Variants in LRR1 observed in about 807,000 individuals in gnomAD.
LRR1 encodes the protein leucine-rich repeat protein 1.
A neutral mutation model predicts 31.6 loss-of-function variants in LRR1; 29 were observed. The ratio of observed to expected loss-of-function variants is 0.92; its 90% CI spans 0.68 to 1.25. LRR1 has a LOEUF of 1.25. LRR1 is among the 50% of genes most tolerant of loss of function. The pLI is 0.00. For missense variants in LRR1, 485 were observed against 487.2 expected (o/e 1.00, Z 0.04); for synonymous variants, 179 against 181.4 (o/e 0.99, Z 0.10).
Position 49,599,064 on chromosome 14 carries a change from C to T in LRR1, c.44C>T (p.Pro15Leu). 2 of 1,609,696 alleles carry T rather than the reference C, an allele frequency of 1.2e-6. No homozygotes were observed. The highest frequency in any genetic ancestry group is 1.7e-6 in the Non-Finnish European group (2 of 1,178,146). Residue 15 changes from proline (P) to leucine (L), a missense_variant, in exon 1 of 4, where the codon CCC becomes CTC. By Grantham distance (98) the Pro-to-Leu change is moderately conservative (BLOSUM62 -3). Transcript: ENST00000298288. ...GTGGAGGTGATCAGCCGGCACTTGC[C>T]CGCCTTGGGGCTTAGGAACCGGGGC... The part of the protein sequence containing the change: ...CEVEVISRHL[P>L]ALGLRNRGKG...
intron 3 of LRR1, among the ~76,000 whole-genome samples, chr14:49,612,148 C>T (rs890813084): frequency 6.6e-6 from 1 of 152,120 alleles, no homozygotes; most frequent in African/African-American, 2.4e-5. Flanking sequence ...CACAATTTGG[C>T]AGAATAGTAA....
rs1380598577 is a variant in LRR1, at chr14:49,607,865, G to A, written c.748G>A (p.Glu250Lys). ...CCCTGTGCAGTTTTGCCAGCTCCAG[G>A]AACTTAAGAATTTAAAACTTGACGA... ...ALPVQFCQLQ[E>K]LKNLKLDDNE... Residue 250 changes from glutamate to lysine, a missense_variant, in exon 3 of 4, where the codon GAA becomes AAA. By Grantham distance (56) the Glu-to-Lys change is moderately conservative. This residue lies in a region of LRR1 where 210 missense variants were observed against 200.4 expected (regional missense o/e 1.05). Transcript: ENST00000298288. 6.2e-7 allele frequency: 1 copy of A among 1,613,372 alleles called. No homozygotes were observed. The highest frequency in any genetic ancestry group is 1.7e-5 in the Admixed American group (1 of 59,808).
At chr14:49,602,600 C>T (rs981170862) in intron 2 of LRR1, 132 bp downstream of exon 2, 10 of 668,750 alleles carry the variant, frequency 1.5e-5, no homozygotes, top group Non-Finnish European at 2.6e-5. Context: ...AACACCTAGG[C>T]TCAAGCGAGC....
intron 2 of LRR1, among the ~76,000 whole-genome samples, chr14:49,602,858 G>A (rs779475623): frequency 1.3e-5 from 2 of 151,834 alleles, no homozygotes; most frequent in Non-Finnish European, 2.9e-5. Flanking sequence ...GTTTTGAGAC[G>A]GAGTTTTGCT....
intron 1 of LRR1, 67 bp downstream of exon 1, chr14:49,599,270 C>A: frequency 6.7e-7 from 1 of 1,482,060 alleles, no homozygotes; most frequent in Non-Finnish European, 9.0e-7. Context: ...GGGCCACCCT[C>A]GGTCCTCATG....
At chr14:49,613,524 A>G (rs1401802170) in intron 3 of LRR1, among the ~76,000 whole-genome samples, 1 of 149,938 alleles carries the variant, frequency 6.7e-6, no homozygotes, top group African/African-American at 2.5e-5. Context: ...AAAAAAGTTT[A>G]GGCCAGGTGC....
intron 2 of LRR1, among the ~76,000 whole-genome samples, chr14:49,606,362 G>A (rs1382948498): frequency 6.8e-6 from 1 of 147,594 alleles, no homozygotes; most frequent in African/African-American, 2.5e-5. Context: ...TTTTGAGACC[G>A]AGTTTCACTT....
At position 49,607,381 on chromosome 14, in the gene LRR1, A is replaced by G; in HGVS notation, c.283-19A>G. The G allele has an allele frequency of 2.0e-6, 3 of 1,528,002 alleles. No homozygotes were observed. The highest frequency in any genetic ancestry group is 2.6e-6 in the Non-Finnish European group (3 of 1,141,304). The allele number at this position is 1,528,002 out of a possible 1,614,324, so 94.7% of individuals were successfully genotyped here. A position where few individuals can be genotyped will look rare whatever the true frequency, so the allele number is the denominator to read the frequency against. On this transcript the variant is annotated intron_variant, in intron 2 of 3. Transcript: ENST00000298288. Reference sequence around the variant, plus strand: ...TATCTCCAGTGGAATTTATAATTCTACAACTTTTATTTATTCAGGCCATTT... The same window carrying G: ...TATCTCCAGTGGAATTTATAATTCTGCAACTTTTATTTATTCAGGCCATTT...
rs560371802 is a variant in LRR1, at chr14:49,602,535, C to T, written c.282+67C>T. The T allele has an allele frequency of 4.7e-5, 62 of 1,330,790 alleles. 1 individual carries two copies. Among genetic ancestry groups the T allele is most frequent in the Non-Finnish European group, 6.1e-5 (57 of 934,282 alleles). 82.4% of individuals were successfully genotyped at this position (1,330,790 alleles called of 1,614,324 possible). A position where few individuals can be genotyped will look rare whatever the true frequency, so the allele number is the denominator to read the frequency against. ...TTTCTTTATTTTTTAGAAACAGAGT[C>T]TTGTTCTGTCACCCAAGCTGAAGTA... is the stretch of plus-strand genomic sequence containing the variant. On this transcript the variant is annotated intron_variant, in intron 2 of 3. Transcript: ENST00000298288.
In LRR1 at chr14:49,611,267, G is replaced by A. The variant is rs187591368; in HGVS notation, c.1005-2989G>A. On this transcript the variant is annotated intron_variant, in intron 3 of 3. Coordinates refer to ENST00000298288, the MANE Select transcript of LRR1 (RefSeq NM_152329.4). ...CGAGGCAGGCGGATCACAAGGTCGG[G>A]AGTTCGAGACCACACTGACCAACAT... is the stretch of plus-strand genomic sequence containing the variant. 4.9e-3 allele frequency among the ~76,000 whole-genome samples: 735 copies of A among 151,164 alleles called. 10 individuals carry two copies. The highest frequency in any genetic ancestry group is 0.017 in the African/African-American group (708 of 41,246).
chr14:49,604,069 A>G (rs1882193340), intron 2 of LRR1, among the ~76,000 whole-genome samples: 1 of 151,416 alleles, frequency 6.6e-6, no homozygotes, highest in Non-Finnish European at 1.5e-5. Context: ...TTGGAAGGCC[A>G]AGACTGGTGG....
chr14:49,603,343 G>A (rs1179431408), intron 2 of LRR1, among the ~76,000 whole-genome samples: 1 of 152,224 alleles, frequency 6.6e-6, no homozygotes, highest in African/African-American at 2.4e-5. Context: ...GTTTGCTTCT[G>A]TGCTCAAGAT....
intron 3 of LRR1, chr14:49,612,747 T>A: frequency 3.3e-6 from 2 of 614,062 alleles, no homozygotes; most frequent in South Asian, 4.3e-5. Context: ...TGAGCACCTA[T>A]TATGTGCCAG....
intron 2 of LRR1, among the ~76,000 whole-genome samples, chr14:49,607,007 A>G (rs1409563402): frequency 6.8e-6 from 1 of 146,956 alleles, no homozygotes; most frequent in Non-Finnish European, 1.5e-5. Context: ...CTTATTTTAT[A>G]CTCTTATGAT....
intron 3 of LRR1, chr14:49,612,510 A>G: frequency 7.9e-7 from 1 of 1,259,060 alleles, no homozygotes; most frequent in Non-Finnish European, 1.0e-6. Flanking sequence ...AACATGTGGG[A>G]GACACTCCCT....
At chr14:49,600,495 C>G (rs1383696932) in intron 1 of LRR1, 6 of 1,581,892 alleles carry the variant, frequency 3.8e-6, no homozygotes, top group Non-Finnish European at 5.2e-6. Flanking sequence ...AGCTTTAACC[C>G]AGAAGGGATT....
rs919821547 is a variant in LRR1 at position 49,613,002 on chromosome 14, C to A, written c.1005-1254C>A. On this transcript the variant is annotated intron_variant, in intron 3 of 3. Coordinates refer to ENST00000298288, the MANE Select transcript of LRR1 (RefSeq NM_152329.4). ...ATCACTTGAGGTCAGGAGTTCAAGA[C>A]CAGCCTGGCCAACATGGTTAACCCC... is the stretch of plus-strand genomic sequence containing the variant. Among the ~76,000 whole-genome samples, 3 of 152,116 alleles carry A rather than the reference C, an allele frequency of 2.0e-5. No individual in the cohort carries two copies. The East Asian group carries it at 5.8e-4, about 29-fold the overall frequency.
At position 49,598,972 on chromosome 14, in the gene LRR1, A is replaced by T; in HGVS notation, c.-49A>T. On this transcript the variant is annotated 5_prime_UTR_variant, in exon 1 of 4. In the 5' UTR this introduces an upstream ATG that the reference lacks. Transcript: ENST00000298288. ...CCGATGGCGGCGCCGGGTGGCGGGA[A>T]GGAGGAAGTTTCAAAGCCAGCTTGA... The T allele has an allele frequency of 6.4e-7, 1 of 1,552,418 alleles. No individual in the cohort carries two copies. Among genetic ancestry groups the T allele is most frequent in the Non-Finnish European group, 8.7e-7 (1 of 1,145,382 alleles).
At chr14:49,611,079 C>T (rs1259180084) in intron 3 of LRR1, among the ~76,000 whole-genome samples, 6 of 152,226 alleles carry the variant, frequency 3.9e-5, no homozygotes, top group South Asian at 4.1e-4. Flanking sequence ...CCACTGAAAC[C>T]CAGTCCAGTC....
Sources: gnomAD v4.1 joint callset for allele counts (sites outside exome capture counted in the v4.1 genomes callset) on GRCh38, gnomAD v4.1.1 for gene constraint, gnomAD v4.1.1 regional missense constraint, MANE v1.5 for transcripts, NCBI Gene and HGNC (gene_info 2026-07-23, HGNC 2026-07-21) for gene names.